Variants in GRM7 observed in about 807,000 individuals in gnomAD.
GRM7 encodes metabotropic glutamate receptor 7.
A neutral mutation model predicts 84.5 loss-of-function variants in GRM7; 35 were observed. The ratio of observed to expected loss-of-function variants is 0.41; its 90% CI spans 0.32 to 0.55. GRM7 has a LOEUF of 0.55. Among genes scored for constraint, GRM7 ranks in the 20% least tolerant of loss-of-function variants. The pLI is 0.19. For synonymous variants in GRM7, 487 were observed against 455.1 expected, an observed-to-expected ratio of 1.07 and a Z score of -0.89; for missense variants, 1,003 against 1,194.6, an observed-to-expected ratio of 0.84 and a Z score of 2.36.
At chr3:7,646,632 C>T (rs2125110036) in intron 8 of GRM7, among the ~76,000 whole-genome samples, 1 of 152,208 alleles carries the variant, frequency 6.6e-6, no homozygotes, top group Non-Finnish European at 1.5e-5. Flanking sequence ...ACAGCTTTTG[C>T]CTGGTTTCTC....
intron 1 of GRM7, among the ~76,000 whole-genome samples, chr3:7,117,764 A>G (rs989963439): frequency 6.6e-6 from 1 of 152,228 alleles, no homozygotes; most frequent in Non-Finnish European, 1.5e-5. Context: ...CCTCCGTGTC[A>G]TCATTGTAAG....
intron 6 of GRM7, among the ~76,000 whole-genome samples, chr3:7,455,195 A>G (rs574926132): frequency 1.3e-5 from 2 of 152,338 alleles, no homozygotes; most frequent in South Asian, 4.1e-4. Flanking sequence ...GAACTAATTA[A>G]ACAAATACAA....
At chr3:7,393,160 G>A (rs200432229) in intron 4 of GRM7, among the ~76,000 whole-genome samples, 1 of 152,244 alleles carries the variant, frequency 6.6e-6, no homozygotes, top group East Asian at 1.9e-4. Flanking sequence ...TCCCAGGAAC[G>A]CATGGCCATG....
At chr3:6,996,461 A>G (rs1184239525) in intron 1 of GRM7, among the ~76,000 whole-genome samples, 1 of 152,188 alleles carries the variant, frequency 6.6e-6, no homozygotes, top group African/African-American at 2.4e-5. Flanking sequence ...GTAAAGTGTG[A>G]TTGTTATGTC....
At chr3:7,281,735 G>A (rs1559550329) in intron 2 of GRM7, among the ~76,000 whole-genome samples, 1 of 152,142 alleles carries the variant, frequency 6.6e-6, no homozygotes. Flanking sequence ...CTAAGAGGTT[G>A]TTAGAAATGT....
intron 2 of GRM7, among the ~76,000 whole-genome samples, chr3:7,258,993 T>C (rs750212092): frequency 5.3e-5 from 8 of 152,256 alleles, no homozygotes; most frequent in Non-Finnish European, 1.0e-4. Flanking sequence ...AGGTGTGCAT[T>C]CTGCAGTATG....
In GRM7 at chr3:6,974,775, G is replaced by A. The variant is rs981748961; in HGVS notation, c.519+112868G>A. 6.6e-5 allele frequency among the ~76,000 whole-genome samples: 10 copies of A among 152,270 alleles called. 1 individual carries two copies. The highest frequency in any genetic ancestry group is 2.1e-4 in the South Asian group (1 of 4,828). On this transcript the variant is annotated intron_variant, in intron 1 of 9. Coordinates refer to ENST00000357716, the MANE Select transcript of GRM7 (RefSeq NM_000844.4). ...TGTTGGGGAGAAATGGAAGGCAGAG[G>A]TGGAAACCTGATTGAACTGTGATTT... is the stretch of plus-strand genomic sequence containing the variant.
chr3:7,126,011 G>A (rs1444405075), intron 1 of GRM7, among the ~76,000 whole-genome samples: 1 of 152,148 alleles, frequency 6.6e-6, no homozygotes, highest in Non-Finnish European at 1.5e-5. Flanking sequence ...TTTGTTCTCT[G>A]CCGTGTCAGG....
intron 1 of GRM7, among the ~76,000 whole-genome samples, chr3:6,963,380 A>C (rs533603613): frequency 6.6e-6 from 1 of 152,330 alleles, no homozygotes; most frequent in East Asian, 1.9e-4. Context: ...ATGTTTATGG[A>C]GCTCTATCAT....
chr3:7,101,230 A>G (rs1699099090), intron 1 of GRM7, among the ~76,000 whole-genome samples: 1 of 151,792 alleles, frequency 6.6e-6, no homozygotes, highest in Non-Finnish European at 1.5e-5. Flanking sequence ...ACAATCCGTG[A>G]GAGTTCCAAT....
At chr3:7,538,537 A>T (rs77863035) in intron 7 of GRM7, among the ~76,000 whole-genome samples, 1 of 152,266 alleles carries the variant, frequency 6.6e-6, no homozygotes, top group Admixed American at 6.5e-5. Flanking sequence ...TTTCACAAGG[A>T]TGAAAAACAT....
intron 1 of GRM7, among the ~76,000 whole-genome samples, chr3:6,922,380 A>T (rs1697156884): frequency 2.0e-5 from 3 of 152,212 alleles, no homozygotes. Context: ...GTAACTAATG[A>T]TATGCTTCAA....
chr3:7,087,312 T>G (rs1215241540), intron 1 of GRM7, among the ~76,000 whole-genome samples: 5 of 152,170 alleles, frequency 3.3e-5, no homozygotes, highest in Non-Finnish European at 5.9e-5. Context: ...TTAAAGTTTT[T>G]GGATGCAACT....
At chr3:7,503,329 A>C (rs1469236163) in intron 7 of GRM7, among the ~76,000 whole-genome samples, 1 of 151,844 alleles carries the variant, frequency 6.6e-6, no homozygotes, top group Non-Finnish European at 1.5e-5. Flanking sequence ...AAGTCCAGGG[A>C]ATGGCTCTTT....
At chr3:7,478,937 A>T (rs1699029049) in intron 7 of GRM7, among the ~76,000 whole-genome samples, 1 of 152,098 alleles carries the variant, frequency 6.6e-6, no homozygotes, top group Non-Finnish European at 1.5e-5. Flanking sequence ...TCTAAACATG[A>T]CTTTATAGTA....
intron 9 of GRM7, among the ~76,000 whole-genome samples, chr3:7,700,456 T>G (rs908293542): frequency 1.3e-5 from 2 of 152,248 alleles, no homozygotes; most frequent in Non-Finnish European, 2.9e-5. Flanking sequence ...TGCCTCAGTC[T>G]AGATCGGTCA....
rs1297473273 is a variant in GRM7, at chr3:7,136,457, G to A, written c.520-9995G>A. The stretch of plus-strand genomic sequence containing the variant: ...AAAAAAAACAAAAACAGAGTGAGCA[G>A]CTTCCTAAATGACTTCCTTGGTCTC... On this transcript the variant is annotated intron_variant, in intron 1 of 9. Coordinates refer to ENST00000357716, the MANE Select transcript of GRM7 (RefSeq NM_000844.4). Among the ~76,000 whole-genome samples, 4 of 152,052 alleles carry A rather than the reference G, an allele frequency of 2.6e-5. No homozygotes were observed. The East Asian group carries it at 7.7e-4, about 29-fold the overall frequency.
In GRM7 at chr3:7,252,370, C is replaced by G. The variant is rs1029550696; in HGVS notation, c.737-46314C>G. On this transcript the variant is annotated intron_variant, in intron 2 of 9. Transcript: ENST00000357716. ...CAGAGCCCCAAAACTTCTCAGAAGA[C>G]CATCCAAAATAGAGTGGTCTGCACA... 6.1e-4 allele frequency among the ~76,000 whole-genome samples: 93 copies of G among 152,304 alleles called. 1 individual carries two copies. Among genetic ancestry groups the G allele is most frequent in the African/African-American group, 2.2e-3 (91 of 41,572 alleles).
rs746436373 is a variant in GRM7 at position 7,738,723 on chromosome 3, CT to C, written c.2699-1619del. On this transcript the variant is annotated intron_variant, in intron 9 of 9. Transcript: ENST00000357716. ...AGGTCAGTACAAGCTTCTGGGTTTT[CT>C]TTTTTTTTTTTTTTCCCCTTCTTTT... is the stretch of plus-strand genomic sequence containing the variant. 4.4e-3 allele frequency among the ~76,000 whole-genome samples: 583 copies of C among 131,568 alleles called. 3 individuals are homozygous for C. The highest frequency in any genetic ancestry group is 0.026 in the East Asian group (115 of 4,472). The allele number at this position is 131,568 out of a possible 152,430, so 86.3% of individuals were successfully genotyped here.
Sources: gnomAD v4.1 joint callset for allele counts (sites outside exome capture counted in the v4.1 genomes callset) on GRCh38, gnomAD v4.1.1 for gene constraint, MANE v1.5 for transcripts, NCBI Gene and HGNC (gene_info 2026-07-23, HGNC 2026-07-21) for gene names.